The following LINGO2 variants were observed in gnomAD, a reference collection of about 807,000 sequenced individuals.
The protein encoded by LINGO2 is leucine-rich repeat and immunoglobulin-like domain-containing nogo receptor-interacting protein 2.
Under a neutral mutation model 30.6 loss-of-function variants are expected in LINGO2, and 14 were observed. The ratio of observed to expected loss-of-function variants is 0.46; its 90% CI spans 0.30 to 0.72. The LOEUF (loss-of-function observed/expected upper bound fraction) is 0.72. Among genes scored for constraint, LINGO2 ranks in the 30% least tolerant of loss-of-function variants. The pLI, the probability that LINGO2 is intolerant of heterozygous loss-of-function variation, is 0.07. For missense variants in LINGO2, 729 were observed against 751.7 expected, an observed-to-expected ratio of 0.97 and a Z score of 0.35; for synonymous variants, 317 against 288.5, an observed-to-expected ratio of 1.10 and a Z score of -1.00.
chr9:28,922,766 A>G, the LINGO2 span, among the ~76,000 whole-genome samples: 1 of 152,220 alleles, frequency 6.6e-6, no homozygotes, highest in Admixed American at 6.5e-5. Context: ...TGAGCTGTGC[A>G]TAGCTTATGG....
intron 4 of LINGO2, among the ~76,000 whole-genome samples, chr9:28,145,321 C>T (rs1271905037): frequency 6.6e-6 from 1 of 152,088 alleles, no homozygotes; most frequent in African/African-American, 2.4e-5. Flanking sequence ...AATTTGTAGT[C>T]TAAACTATGA....
the LINGO2 span, among the ~76,000 whole-genome samples, chr9:29,019,049 A>C: frequency 6.6e-6 from 1 of 152,306 alleles, no homozygotes; most frequent in Admixed American, 6.5e-5. Context: ...ATTTTTAAGT[A>C]TATAAAATAT....
At chr9:27,961,312 G>A (rs947641805) in intron 5 of LINGO2, among the ~76,000 whole-genome samples, 1 of 152,122 alleles carries the variant, frequency 6.6e-6, no homozygotes, top group Non-Finnish European at 1.5e-5. Context: ...TATCTTCATC[G>A]CAGTCAACTT....
At chr9:28,015,332 T>G (rs2778422) in intron 4 of LINGO2, among the ~76,000 whole-genome samples, 4 of 152,092 alleles carry the variant, frequency 2.6e-5, no homozygotes, top group Non-Finnish European at 5.9e-5. Flanking sequence ...TACATGGAGC[T>G]TACAAATTTT....
At chr9:27,954,540 T>C (rs1371380389) in intron 5 of LINGO2, among the ~76,000 whole-genome samples, 2 of 152,192 alleles carry the variant, frequency 1.3e-5, no homozygotes, top group Non-Finnish European at 2.9e-5. Flanking sequence ...TTCTTTTTGG[T>C]AGAATAGTAT....
chr9:28,730,985 C>T, the LINGO2 span, among the ~76,000 whole-genome samples: 1 of 151,778 alleles, frequency 6.6e-6, no homozygotes, highest in Non-Finnish European at 1.5e-5. Context: ...AGAAACTGTA[C>T]TCCTGAGAAT....
intron 4 of LINGO2, among the ~76,000 whole-genome samples, chr9:28,264,116 T>C (rs755023678): frequency 6.6e-6 from 1 of 151,978 alleles, no homozygotes; most frequent in Non-Finnish European, 1.5e-5. Context: ...TGTAATAAAA[T>C]ATAAAGCTAA....
the LINGO2 span, among the ~76,000 whole-genome samples, chr9:28,921,729 C>G: frequency 6.6e-6 from 1 of 152,302 alleles, no homozygotes; most frequent in African/African-American, 2.4e-5. Flanking sequence ...CACATCCACT[C>G]ACCAGTTATT....
At chr9:29,188,150 G>A in the LINGO2 span, among the ~76,000 whole-genome samples, 16 of 151,134 alleles carry the variant, frequency 1.1e-4, no homozygotes, top group South Asian at 3.4e-3. Flanking sequence ...GTTTTCCTAG[G>A]CAGAGGACCC....
At chr9:28,443,368 T>G (rs1157209183) in intron 2 of LINGO2, among the ~76,000 whole-genome samples, 3 of 152,190 alleles carry the variant, frequency 2.0e-5, no homozygotes, top group Admixed American at 2.0e-4. Flanking sequence ...GCACACTCTG[T>G]TGAGCTGGTT....
the LINGO2 span, among the ~76,000 whole-genome samples, chr9:28,980,547 C>A: frequency 6.6e-6 from 1 of 151,992 alleles, no homozygotes; most frequent in Non-Finnish European, 1.5e-5. Context: ...CCATTTCAGC[C>A]ACATCAGTTT....
intron 1 of LINGO2, among the ~76,000 whole-genome samples, chr9:28,642,234 A>T (rs1333303029): frequency 2.0e-5 from 3 of 152,168 alleles, no homozygotes; most frequent in African/African-American, 7.2e-5. Context: ...TGAAAAAAAA[A>T]GTGTCCTTAA....
chr9:28,993,888 A>C, the LINGO2 span, among the ~76,000 whole-genome samples: 1 of 152,128 alleles, frequency 6.6e-6, no homozygotes, highest in African/African-American at 2.4e-5. Context: ...AGAGCTATCT[A>C]TGACAGACCC....
At chr9:29,146,134 G>T in the LINGO2 span, among the ~76,000 whole-genome samples, 2 of 152,082 alleles carry the variant, frequency 1.3e-5, no homozygotes, top group Non-Finnish European at 2.9e-5. Flanking sequence ...GTATCACTTG[G>T]ATGTGAAATT....
rs544016594 is a variant in LINGO2 at position 28,017,537 on chromosome 9, T to A, written c.-86-5132A>T. Among the ~76,000 whole-genome samples the A allele has an allele frequency of 3.3e-5, 5 of 152,210 alleles. No homozygotes were observed. The East Asian group carries it at 9.7e-4, about 29-fold the overall frequency. On this transcript the variant is annotated intron_variant, in intron 4 of 5. Coordinates refer to ENST00000379992, the Ensembl canonical transcript of LINGO2. ...GTACATAAATCAGATCATAAATCAA[T>A]ATCTATAAATCAGTAGTACTTCTAT...
At chr9:29,125,210 T>C in the LINGO2 span, among the ~76,000 whole-genome samples, 1 of 151,900 alleles carries the variant, frequency 6.6e-6, no homozygotes, top group Middle Eastern at 3.4e-3. Context: ...AGCTGAACAG[T>C]GAGAACAAAT....
the LINGO2 span, among the ~76,000 whole-genome samples, chr9:28,801,005 C>A: frequency 6.6e-6 from 1 of 152,070 alleles, no homozygotes. Flanking sequence ...AGAGATGCTA[C>A]AATCCCACTG....
chr9:28,322,901 G>A (rs1825099317), intron 3 of LINGO2, among the ~76,000 whole-genome samples: 1 of 152,158 alleles, frequency 6.6e-6, no homozygotes, highest in African/African-American at 2.4e-5. Flanking sequence ...AATATGTTAA[G>A]AAAATCCCTA....
At chr9:29,209,428 T>C in the LINGO2 span, among the ~76,000 whole-genome samples, 2 of 152,132 alleles carry the variant, frequency 1.3e-5, no homozygotes, top group Non-Finnish European at 2.9e-5. Context: ...AAGTAAATTA[T>C]GGACTGACCA....
Sources: gnomAD v4.1 joint callset for allele counts (sites outside exome capture counted in the v4.1 genomes callset) on GRCh38, gnomAD v4.1.1 for gene constraint, MANE v1.5 for transcripts, NCBI Gene and HGNC (gene_info 2026-07-23, HGNC 2026-07-21) for gene names.